Variants in SLIT3 observed in about 807,000 individuals in gnomAD.
SLIT3 encodes slit homolog 3 protein.
Under a neutral mutation model 184.0 loss-of-function variants are expected in SLIT3, and 68 were observed. That is an observed-to-expected ratio of 0.37 (90% CI 0.30 to 0.45). SLIT3 has a LOEUF of 0.45. SLIT3 is among the 20% of genes least tolerant of loss of function. The probability of loss-of-function intolerance (pLI) is 1.00; values close to 1 mark genes in which losing one functional copy is unlikely to be tolerated. For missense variants in SLIT3, 1,707 were observed against 2,026.0 expected (o/e 0.84, Z 3.02); for synonymous variants, 831 against 828.6 (o/e 1.00, Z -0.05).
At chr5:168,778,994 AG>A (rs1270160069) in intron 12 of SLIT3, among the ~76,000 whole-genome samples, 1 of 152,178 alleles carries the variant, frequency 6.6e-6, no homozygotes, top group Non-Finnish European at 1.5e-5. Flanking sequence ...ATGAAAAGAG[AG>A]GGAAGGCTGA....
rs1489545433 is a variant in SLIT3 at position 168,735,358 on chromosome 5, ACT to A, written c.2271-10876_2271-10875del. Among the ~76,000 whole-genome samples the A allele has an allele frequency of 2.0e-4, 30 of 151,948 alleles. No homozygotes were observed. The East Asian group carries it at 5.2e-3, about 27-fold the overall frequency. On this transcript the variant is annotated intron_variant, in intron 20 of 35. Coordinates refer to ENST00000519560, the MANE Select transcript of SLIT3 (RefSeq NM_003062.4). Reference sequence around the variant, plus strand: ...AGGGAGGGAAGCCACCTTCCCAGAGACTCTGCTCCAGGCCAGAATTTCCACTA... The same window carrying A: ...AGGGAGGGAAGCCACCTTCCCAGAGACTGCTCCAGGCCAGAATTTCCACTA...
In SLIT3 at chr5:168,907,979, T is replaced by TAGAGAGAGAGAGAG. The variant is rs70979109; in HGVS notation, c.414-24657_414-24644dup. Among the ~76,000 whole-genome samples the TAGAGAGAGAGAGAG allele has an allele frequency of 2.6e-3, 131 of 50,048 alleles. 5 individuals carry two copies. Among genetic ancestry groups the TAGAGAGAGAGAGAG allele is most frequent in the Non-Finnish European group, 3.2e-3 (98 of 30,704 alleles). 32.8% of individuals were successfully genotyped at this position (50,048 alleles called of 152,430 possible). ...ATATATATATATATATATATATATA[T>TAGAGAGAGAGAGAG]AGAGAGAGAGAGAGAGAGAGAGAGA... On this transcript the variant is annotated intron_variant, in intron 4 of 35. Transcript: ENST00000519560.
At chr5:168,809,039 T>C (rs973643131) in intron 8 of SLIT3, among the ~76,000 whole-genome samples, 4 of 152,164 alleles carry the variant, frequency 2.6e-5, no homozygotes, top group African/African-American at 9.7e-5. Context: ...CCTCCCTCTT[T>C]TGATCTGTGA....
intron 4 of SLIT3, among the ~76,000 whole-genome samples, chr5:169,091,389 C>G (rs1581400830): frequency 1.3e-5 from 2 of 152,294 alleles, no homozygotes; most frequent in Admixed American, 1.3e-4. Context: ...CCTGTAATTC[C>G]TGACAATAAG....
chr5:168,944,410 G>C (rs1762414151), intron 4 of SLIT3, among the ~76,000 whole-genome samples: 1 of 152,184 alleles, frequency 6.6e-6, no homozygotes, highest in South Asian at 2.1e-4. Context: ...GCAGACTTCT[G>C]AAGGCGTAGG....
chr5:168,685,622 T>C, intron 31 of SLIT3, 65 bp downstream of exon 31: 1 of 1,492,766 alleles, frequency 6.7e-7, no homozygotes, highest in African/African-American at 1.4e-5. Context: ...CCAGCAATTT[T>C]CTGAACTATC....
At chr5:169,214,178 G>A (rs1279262125) in intron 3 of SLIT3, among the ~76,000 whole-genome samples, 2 of 152,236 alleles carry the variant, frequency 1.3e-5, no homozygotes, top group South Asian at 2.1e-4. Flanking sequence ...AAGTGGCTCT[G>A]TATTCTGCCT....
chr5:169,129,820 G>T (rs78454646), intron 4 of SLIT3, among the ~76,000 whole-genome samples: 1 of 149,862 alleles, frequency 6.7e-6, no homozygotes, highest in East Asian at 1.9e-4. Context: ...TTTCTTTGGT[G>T]GTTTTTTTTG....
At chr5:169,259,104 G>T (rs993921443) in intron 1 of SLIT3, among the ~76,000 whole-genome samples, 10 of 152,252 alleles carry the variant, frequency 6.6e-5, no homozygotes, top group African/African-American at 2.4e-4. Flanking sequence ...ACAGAGTCTT[G>T]CTCTCTTGCT....
intron 4 of SLIT3, among the ~76,000 whole-genome samples, chr5:168,968,601 A>G (rs142590012): frequency 6.6e-6 from 1 of 152,348 alleles, no homozygotes; most frequent in East Asian, 1.9e-4. Context: ...GACATGACAT[A>G]AAACTTAACA....
At chr5:168,848,878 T>C (rs777156688) in intron 5 of SLIT3, among the ~76,000 whole-genome samples, 3 of 152,212 alleles carry the variant, frequency 2.0e-5, no homozygotes, top group Non-Finnish European at 4.4e-5. Context: ...TCTCTTTCAA[T>C]TACAATGTGA....
At chr5:169,132,228 G>A (rs1339734845) in intron 4 of SLIT3, among the ~76,000 whole-genome samples, 1 of 152,142 alleles carries the variant, frequency 6.6e-6, no homozygotes. Context: ...TATGACAGAG[G>A]GCTGAAGAGA....
chr5:169,109,604 A>G (rs886819933), intron 4 of SLIT3, among the ~76,000 whole-genome samples: 10 of 152,320 alleles, frequency 6.6e-5, no homozygotes, highest in African/African-American at 2.4e-4. Flanking sequence ...TACAGCCTCT[A>G]GGCTTTTAAT....
chr5:168,713,775 T>C (rs778311626), intron 23 of SLIT3, among the ~76,000 whole-genome samples: 1 of 152,240 alleles, frequency 6.6e-6, no homozygotes, highest in Non-Finnish European at 1.5e-5. Context: ...CTTTGGAAGC[T>C]AGTGAATATG....
At chr5:169,041,190 T>C (rs1033426122) in intron 4 of SLIT3, among the ~76,000 whole-genome samples, 1 of 152,236 alleles carries the variant, frequency 6.6e-6, no homozygotes, top group African/African-American at 2.4e-5. Context: ...TTTTGAGACG[T>C]GGCCCCAACT....
At chr5:168,783,116 G>C (rs1756031095) in intron 12 of SLIT3, among the ~76,000 whole-genome samples, 1 of 152,146 alleles carries the variant, frequency 6.6e-6, no homozygotes, top group Non-Finnish European at 1.5e-5. Context: ...TCCTAGCCAG[G>C]TAGGAGGCTG....
At chr5:168,720,144 G>A (rs1762893504) in intron 23 of SLIT3, 1 of 152,142 alleles carries the variant, frequency 6.6e-6, no homozygotes, top group Admixed American at 6.5e-5. Flanking sequence ...TTGAAGTCCT[G>A]GGCTCAAGCA....
intron 16 of SLIT3, among the ~76,000 whole-genome samples, chr5:168,757,488 C>T (rs942045166): frequency 7.2e-5 from 11 of 152,176 alleles, no homozygotes; most frequent in East Asian, 1.9e-4. Flanking sequence ...AGCTAGAGTG[C>T]AGTGGTGGGA....
intron 1 of SLIT3, among the ~76,000 whole-genome samples, chr5:169,295,844 T>C (rs1767483681): frequency 6.6e-6 from 1 of 152,172 alleles, no homozygotes; most frequent in Admixed American, 6.5e-5. Context: ...AACTTATCAA[T>C]TAATACAAGA....
Sources: gnomAD v4.1 joint callset for allele counts (sites outside exome capture counted in the v4.1 genomes callset) on GRCh38, gnomAD v4.1.1 for gene constraint, MANE v1.5 for transcripts, NCBI Gene and HGNC (gene_info 2026-07-23, HGNC 2026-07-21) for gene names.